The following STRN3 variants were observed in gnomAD, a reference collection of about 807,000 sequenced individuals.
The protein encoded by STRN3 is striatin 3, also known as striatin-3.
STRN3 carries 29 observed loss-of-function variants against 95.6 expected under a neutral mutation model. The ratio of observed to expected loss-of-function variants is 0.30; its 90% confidence interval spans 0.23 to 0.41. STRN3 has a LOEUF of 0.41. Ranked by LOEUF, STRN3 falls within the 10% of genes least tolerant of loss-of-function variation. The pLI, the probability that STRN3 is intolerant of heterozygous loss-of-function variation, is 1.00. For synonymous variants in STRN3, 331 were observed against 357.6 expected (o/e 0.93, Z 0.84); for missense variants, 890 against 972.1 (o/e 0.92, Z 1.12).
At chr14:30,933,291 A>AC (rs1213408889) in intron 7 of STRN3, among the ~76,000 whole-genome samples, 42 of 150,312 alleles carry the variant, frequency 2.8e-4, no homozygotes, top group African/African-American at 1.0e-3. Flanking sequence ...AAAAAAAAAA[A>AC]AAAAAAAAAA....
At chr14:30,962,681 C>G (rs572415606) in intron 1 of STRN3, among the ~76,000 whole-genome samples, 1 of 152,086 alleles carries the variant, frequency 6.6e-6, no homozygotes, top group African/African-American at 2.4e-5. Context: ...ACTACAAGCA[C>G]CTACTACTAT....
intron 8 of STRN3, among the ~76,000 whole-genome samples, chr14:30,925,244 G>T (rs952026454): frequency 6.7e-6 from 1 of 150,140 alleles, no homozygotes; most frequent in African/African-American, 2.4e-5. Flanking sequence ...CGGGCAGGGG[G>T]GTAAAAAAAA....
chr14:31,002,385 T>C (rs986761857), intron 1 of STRN3, among the ~76,000 whole-genome samples: 7 of 149,304 alleles, frequency 4.7e-5, no homozygotes, highest in South Asian at 2.1e-4. Context: ...GGCAGGAGAA[T>C]TGCTTGAGCC....
At chr14:30,952,827 T>C (rs981907217) in intron 3 of STRN3, among the ~76,000 whole-genome samples, 15 of 152,162 alleles carry the variant, frequency 9.9e-5, no homozygotes, top group Non-Finnish European at 1.5e-4. Flanking sequence ...TAAAATTACA[T>C]ATAACACATA....
At chr14:31,021,791 CAT>C (rs1419198937) in intron 1 of STRN3, among the ~76,000 whole-genome samples, 1 of 152,078 alleles carries the variant, frequency 6.6e-6, no homozygotes, top group Non-Finnish European at 1.5e-5. Context: ...GAACAGAAAA[CAT>C]AGTGTTCTAC....
At chr14:30,986,113 G>T (rs894673314) in intron 1 of STRN3, among the ~76,000 whole-genome samples, 3 of 152,132 alleles carry the variant, frequency 2.0e-5, no homozygotes, top group Non-Finnish European at 4.4e-5. Context: ...TTCTATGAAA[G>T]GAGTGAAGGT....
intron 1 of STRN3, among the ~76,000 whole-genome samples, chr14:30,966,801 T>C (rs4981811): frequency 0.63 from 95,973 of 151,912 alleles, 31,388 homozygotes; most frequent in Non-Finnish European, 0.73. Flanking sequence ...CTACCTCATA[T>C]GGCTTAGAGC....
At chr14:30,986,471 GA>G (rs1049005052) in intron 1 of STRN3, among the ~76,000 whole-genome samples, 4 of 152,188 alleles carry the variant, frequency 2.6e-5, no homozygotes, top group Admixed American at 2.6e-4. Context: ...ATAGTAGCCA[GA>G]AAGGACATAT....
chr14:30,987,655 C>T (rs1429800046), intron 1 of STRN3, among the ~76,000 whole-genome samples: 1 of 151,986 alleles, frequency 6.6e-6, no homozygotes, highest in Non-Finnish European at 1.5e-5. Context: ...ATAAAATAAT[C>T]AATATTTGCA....
intron 7 of STRN3, among the ~76,000 whole-genome samples, chr14:30,931,263 T>C (rs1260933462): frequency 6.6e-6 from 1 of 152,120 alleles, no homozygotes; most frequent in Non-Finnish European, 1.5e-5. Flanking sequence ...ATATTGCTTA[T>C]AAGAAATAGG....
chr14:30,971,024 G>A (rs937748228), intron 1 of STRN3, among the ~76,000 whole-genome samples: 3 of 152,216 alleles, frequency 2.0e-5, no homozygotes, highest in African/African-American at 2.4e-5. Flanking sequence ...GTCAGCCCCC[G>A]AGGGCCATCC....
chr14:30,942,546 TA>T (rs1052671596), intron 5 of STRN3, among the ~76,000 whole-genome samples: 1 of 152,010 alleles, frequency 6.6e-6, no homozygotes, highest in Non-Finnish European at 1.5e-5. Context: ...CAAACACGGT[TA>T]AAAAAAGAGG....
At chr14:30,988,554 T>C (rs1362229631) in intron 1 of STRN3, among the ~76,000 whole-genome samples, 2 of 152,314 alleles carry the variant, frequency 1.3e-5, no homozygotes, top group African/African-American at 2.4e-5. Context: ...TTGGTTGGAA[T>C]GCAAATTTAT....
At chr14:30,981,309 A>G (rs1881387342) in intron 1 of STRN3, among the ~76,000 whole-genome samples, 1 of 152,054 alleles carries the variant, frequency 6.6e-6, no homozygotes, top group Non-Finnish European at 1.5e-5. Context: ...ACAAGACCCC[A>G]TCTCTCAAAA....
intron 1 of STRN3, among the ~76,000 whole-genome samples, chr14:31,013,863 T>TTTATTATTATTATTA (rs548417882): frequency 3.9e-4 from 32 of 81,038 alleles, no homozygotes; most frequent in Admixed American, 1.7e-3. Context: ...TCAAAGCAAT[T>TTTATTATTATTATTA]TTATTATTAT....
Position 30,911,785 on chromosome 14 carries a change from C to T in STRN3, c.1590G>A (p.Arg530=). The change falls in exon 12 of 18, where the codon AGG becomes AGA. Residue 530 remains arginine, a synonymous_variant. Coordinates refer to ENST00000357479, the MANE Select transcript of STRN3 (RefSeq NM_001083893.2). The stretch of plus-strand genomic sequence containing the variant: ...AATTCAGTAAAACTTACATGTGGGC[C>T]CTAAATGTGTAGATAGGCTCTACAT... The part of the protein sequence containing the change: ...SLDVEPIYTF[R]AHIGPVLSLA... The T allele has an allele frequency of 6.2e-7, 1 of 1,605,884 alleles. No homozygotes were observed. Among genetic ancestry groups the T allele is most frequent in the South Asian group, 1.1e-5 (1 of 88,716 alleles).
chr14:30,969,771 C>T (rs553022106), intron 1 of STRN3, among the ~76,000 whole-genome samples: 2 of 152,310 alleles, frequency 1.3e-5, no homozygotes, highest in East Asian at 3.9e-4. Context: ...TTATCTTCCA[C>T]TTTCCTTTCC....
chr14:30,939,713 T>C (rs184329592), intron 5 of STRN3, among the ~76,000 whole-genome samples: 2 of 152,274 alleles, frequency 1.3e-5, no homozygotes, highest in Non-Finnish European at 2.9e-5. Flanking sequence ...TTCTCTATCT[T>C]TGATTCCTAC....
chr14:31,009,356 G>A (rs368704929), intron 1 of STRN3, among the ~76,000 whole-genome samples: 3 of 151,958 alleles, frequency 2.0e-5, no homozygotes, highest in East Asian at 3.9e-4. Flanking sequence ...TGTCCCGTGC[G>A]TGTTTAGTAG....
Sources: gnomAD v4.1 joint callset for allele counts (sites outside exome capture counted in the v4.1 genomes callset) on GRCh38, gnomAD v4.1.1 for gene constraint, MANE v1.5 for transcripts, NCBI Gene and HGNC (gene_info 2026-07-23, HGNC 2026-07-21) for gene names.